AP2M1: variants seen among roughly 807,000 people sequenced by gnomAD.
The protein encoded by AP2M1 is AP-2 complex subunit mu.
AP2M1 carries 5 observed loss-of-function variants against 54.5 expected under a neutral mutation model. The ratio of observed to expected loss-of-function variants is 0.09; its 90% confidence interval spans 0.05 to 0.19. The LOEUF (loss-of-function observed/expected upper bound fraction) is 0.19, where lower values mean the gene tolerates loss of function less well. Ranked by LOEUF, AP2M1 falls within the 10% of genes least tolerant of loss-of-function variation. The probability of loss-of-function intolerance (pLI) is 1.00; values close to 1 mark genes in which losing one functional copy is unlikely to be tolerated. For synonymous variants in AP2M1, 186 were observed against 208.2 expected, an observed-to-expected ratio of 0.89 and a Z score of 0.92; for missense variants, 178 against 580.2, an observed-to-expected ratio of 0.31 and a Z score of 7.12.
Position 184,182,989 on chromosome 3 carries a change from C to A in AP2M1, c.1173+121C>A. ...ACTGAGGCCTAGAAAGAAGAACTGG[C>A]TTTAATTCATAGATCCATTCTTCCC... On this transcript the variant is annotated intron_variant, in intron 11 of 11. Coordinates refer to ENST00000292807, the MANE Select transcript of AP2M1 (RefSeq NM_004068.4). The surrounding 1 kb of genome is among the most constrained non-coding windows in gnomAD (Gnocchi z 5.5). The A allele has an allele frequency of 1.2e-6, 1 of 835,316 alleles. No individual in the cohort carries two copies. The highest frequency in any genetic ancestry group is 2.0e-6 in the Non-Finnish European group (1 of 495,558). The allele number at this position is 835,316 out of a possible 1,614,324, so 51.7% of individuals were successfully genotyped here.
chr3:184,177,402 T>C (rs1017098074), intron 2 of AP2M1: 5 of 704,004 alleles, frequency 7.1e-6, no homozygotes, highest in African/African-American at 5.4e-5. Flanking sequence ...ATGTCTCCAG[T>C]GGGTGGGGTT....
At position 184,183,472 on chromosome 3, in the gene AP2M1, C is replaced by T; in HGVS notation, c.1174-10C>T. On this transcript the variant is annotated splice_polypyrimidine_tract_variant and intron_variant, in intron 11 of 11. Coordinates refer to ENST00000292807, the MANE Select transcript of AP2M1 (RefSeq NM_004068.4). The surrounding 1 kb of genome is among the most constrained non-coding windows in gnomAD (Gnocchi z 5.7). ...GAAGGCCACATTTCTAACTAGCTCT[C>T]CTTGCCCAGGTGCCATTCGCGCCCT... 6.2e-7 allele frequency: 1 copy of T among 1,614,042 alleles called. No individual in the cohort carries two copies. Among genetic ancestry groups the T allele is most frequent in the Non-Finnish European group, 8.5e-7 (1 of 1,180,018 alleles).
chr3:184,177,814 T>C (rs779885671), intron 2 of AP2M1: 28 of 598,716 alleles, frequency 4.7e-5, no homozygotes, highest in Non-Finnish European at 7.7e-5. Context: ...CTCCTCTGGT[T>C]CCTGCTGCCT....
chr3:184,179,154 G>T (rs771827784), intron 3 of AP2M1, 32 bp downstream of exon 3: 4 of 1,605,142 alleles, frequency 2.5e-6, no homozygotes, highest in South Asian at 2.2e-5. Flanking sequence ...GGCAGCGGGC[G>T]TAGGGTGGGA....
At position 184,178,769 on chromosome 3, in the gene AP2M1, G is replaced by A; in HGVS notation, c.75-88G>A. ...GTGTGTCAGACTTCTGCAGAAAGGA[G>A]GGTGGGGCTGTTAGCAGCTGTGGTT... is the stretch of plus-strand genomic sequence containing the variant. On this transcript the variant is annotated intron_variant, in intron 2 of 11. Transcript: ENST00000292807. This position sits in a 1 kb window ranked among gnomAD's most constrained non-coding sequence, Gnocchi z 4.9. 1.3e-6 allele frequency: 2 copies of A among 1,503,490 alleles called. No individual in the cohort carries two copies. The highest frequency in any genetic ancestry group is 2.5e-5 in the South Asian group (2 of 78,906). The allele number at this position is 1,503,490 out of a possible 1,614,324, so 93.1% of individuals were successfully genotyped here. A position where few individuals can be genotyped will look rare whatever the true frequency, so the allele number is the denominator to read the frequency against.
rs1195437495 is a variant in AP2M1 at position 184,178,144 on chromosome 3, C to T, written c.75-713C>T. The T allele has an allele frequency of 5.4e-6, 8 of 1,482,534 alleles. No individual in the cohort carries two copies. The highest frequency in any genetic ancestry group is 7.3e-6 in the Non-Finnish European group (8 of 1,098,244). The allele number at this position is 1,482,534 out of a possible 1,614,324, so 91.8% of individuals were successfully genotyped here. On this transcript the variant is annotated intron_variant, in intron 2 of 11. Transcript: ENST00000292807. This position sits in a 1 kb window ranked among gnomAD's most constrained non-coding sequence, Gnocchi z 4.9. ...CTCCCGGTGTGTTGTGTGTCTAACC[C>T]TCTCTCTCGTTGCTATCACTCTCCT...
In AP2M1 at chr3:184,178,863, C is replaced by A. The variant is rs556633717; in HGVS notation, c.81C>A (p.Asn27Lys). Residue 27 changes from asparagine to lysine, a missense_variant, in exon 3 of 12, where the codon AAC becomes AAA. Asn to Lys is a moderately conservative substitution (Grantham distance 94). Around this residue, in one of 5 missense-constraint regions of AP2M1, gnomAD observed 115 missense variants for 331.2 expected, o/e 0.35. Coordinates refer to ENST00000292807, the MANE Select transcript of AP2M1 (RefSeq NM_004068.4). This position sits in a 1 kb window ranked among gnomAD's most constrained non-coding sequence, Gnocchi z 4.9. ...SRVYRDDIGR[N>K]AVDAFRVNVI... ...ATGCACTCTTTTCCCTCAGGAGGAA[C>A]GCAGTGGATGCCTTTCGGGTCAATG... 6.2e-7 allele frequency: 1 copy of A among 1,613,776 alleles called. No individual in the cohort carries two copies. Among genetic ancestry groups the A allele is most frequent in the Non-Finnish European group, 8.5e-7 (1 of 1,179,962 alleles).
At position 184,181,368 on chromosome 3, in the gene AP2M1, T is replaced by C; in HGVS notation, c.707+142T>C. ...TGACGGTAAGCCTGGCTGTTCGCTC[T>C]TGACATTAGTGCTACGAGAGATGAG... On this transcript the variant is annotated intron_variant, in intron 7 of 11. Coordinates refer to ENST00000292807, the MANE Select transcript of AP2M1 (RefSeq NM_004068.4). The surrounding 1 kb of genome is among the most constrained non-coding windows in gnomAD (Gnocchi z 5.7). 1.6e-6 allele frequency: 2 copies of C among 1,276,012 alleles called. No individual in the cohort carries two copies. Among genetic ancestry groups the C allele is most frequent in the African/African-American group, 1.5e-5 (1 of 67,486 alleles). 79.0% of individuals were successfully genotyped at this position (1,276,012 alleles called of 1,614,324 possible).
rs944697138 is a variant in AP2M1 at position 184,174,888 on chromosome 3, G to A, written c.-115G>A. 3.3e-5 allele frequency: 13 copies of A among 398,422 alleles called. No individual in the cohort carries two copies. Among genetic ancestry groups the A allele is most frequent in the East Asian group, 1.1e-4 (3 of 28,094 alleles). The allele number at this position is 398,422 out of a possible 1,614,324, so 24.7% of individuals were successfully genotyped here. A position where few individuals can be genotyped will look rare whatever the true frequency, so the allele number is the denominator to read the frequency against. On this transcript the variant is annotated 5_prime_UTR_variant, in exon 1 of 12. Transcript: ENST00000292807. The stretch of plus-strand genomic sequence containing the variant: ...GAAAGCCGAGGCAGCGGGCAGACGA[G>A]CAGGGGGCGGGCGGACATCTTGGGA...
chr3:184,177,789 G>A (rs1007385393), intron 2 of AP2M1: 1 of 626,530 alleles, frequency 1.6e-6, no homozygotes, highest in South Asian at 2.0e-5. Flanking sequence ...AGCCTCCGAG[G>A]CGCTAAAGAG....
rs112020643 is a variant in AP2M1, at chr3:184,178,390, T to G, written c.75-467T>G. 8.5e-5 allele frequency among the ~76,000 whole-genome samples: 13 copies of G among 152,326 alleles called. No homozygotes were observed. Among genetic ancestry groups the G allele is most frequent in the African/African-American group, 2.9e-4 (12 of 41,566 alleles). ...TTGGTACTTCTCCCTCCTTTGTGAC[T>G]TCTGAAGCCATGCTGGCTTTGTCTA... is the stretch of plus-strand genomic sequence containing the variant. On this transcript the variant is annotated intron_variant, in intron 2 of 11. Coordinates refer to ENST00000292807, the MANE Select transcript of AP2M1 (RefSeq NM_004068.4). The surrounding 1 kb of genome is among the most constrained non-coding windows in gnomAD (Gnocchi z 4.9).
At position 184,178,962 on chromosome 3, in the gene AP2M1, G is replaced by A; in HGVS notation, c.180G>A (p.Arg60=). ...IARTSFFHVK[R]SNIWLAAVTK... is the part of the protein sequence containing the mutation. ...GCACCAGCTTCTTCCACGTTAAGCG[G>A]TCCAACATTTGGCTGGCAGCAGTCA... is the stretch of plus-strand genomic sequence containing the variant. Residue 60 remains arginine (R), a synonymous_variant, in exon 3 of 12, where the codon CGG becomes CGA. Coordinates refer to ENST00000292807, the MANE Select transcript of AP2M1 (RefSeq NM_004068.4). The surrounding 1 kb of genome is among the most constrained non-coding windows in gnomAD (Gnocchi z 4.9). 6.2e-7 allele frequency: 1 copy of A among 1,614,178 alleles called. No homozygotes were observed. Among genetic ancestry groups the A allele is most frequent in the Non-Finnish European group, 8.5e-7 (1 of 1,180,040 alleles).
rs868728007 is a variant in AP2M1 at position 184,178,014 on chromosome 3, C to T, written c.75-843C>T. ...TGTCTGAACCTGGCTGGCTACACCCCCCACCCCAGACCCCCTCCTGCCTTG... is the reference window on the plus strand; with the variant it reads ...TGTCTGAACCTGGCTGGCTACACCCTCCACCCCAGACCCCCTCCTGCCTTG... On this transcript the variant is annotated intron_variant, in intron 2 of 11. Transcript: ENST00000292807. The surrounding 1 kb of genome is among the most constrained non-coding windows in gnomAD (Gnocchi z 4.9). 521 of 673,326 alleles carry T rather than the reference C, an allele frequency of 7.7e-4. No individual in the cohort carries two copies. Among genetic ancestry groups the T allele is most frequent in the Middle Eastern group, 6.6e-3 (21 of 3,170 alleles). The allele number at this position is 673,326 out of a possible 1,614,324, so 41.7% of individuals were successfully genotyped here. A position where few individuals can be genotyped will look rare whatever the true frequency, so the allele number is the denominator to read the frequency against.
At position 184,181,184 on chromosome 3, in the gene AP2M1, T is replaced by C. The variant is rs1309270364; in HGVS notation, c.665T>C (p.Ile222Thr). The change falls in exon 7 of 12, where the codon ATT becomes ACT. Residue 222 changes from isoleucine (I) to threonine (T), a missense_variant. This residue lies in a region of AP2M1 where 115 missense variants were observed against 331.2 expected (regional missense o/e 0.35). Coordinates refer to ENST00000292807, the MANE Select transcript of AP2M1 (RefSeq NM_004068.4). The surrounding 1 kb of genome is among the most constrained non-coding windows in gnomAD (Gnocchi z 5.7). Reference protein sequence around the residue: ...CKFGMNDKIVIEKQGKGTADE... With the variant: ...CKFGMNDKIVTEKQGKGTADE... ...TTTGGGATGAATGACAAGATTGTTA[T>C]TGAAAAGCAGGGCAAAGGCACAGCT... The C allele has an allele frequency of 1.7e-5, 27 of 1,614,026 alleles. No individual in the cohort carries two copies. Among genetic ancestry groups the C allele is most frequent in the South Asian group, 2.2e-5 (2 of 91,060 alleles).
rs1376017234 is a variant in AP2M1 at position 184,180,381 on chromosome 3, C to T, written c.423+130C>T. ...GGAAGTGCTGGCCTGAGCCTCCTGC[C>T]ATGATTGCAGGCCGATTTTGCTCTG... On this transcript the variant is annotated intron_variant, in intron 4 of 11. Coordinates refer to ENST00000292807, the MANE Select transcript of AP2M1 (RefSeq NM_004068.4). The surrounding 1 kb of genome is among the most constrained non-coding windows in gnomAD (Gnocchi z 4.9). The T allele has an allele frequency of 5.6e-6, 7 of 1,246,576 alleles. No individual in the cohort carries two copies. In the Admixed American group the frequency reaches 6.7e-5, roughly 12 times the overall value. The allele number at this position is 1,246,576 out of a possible 1,614,324, so 77.2% of individuals were successfully genotyped here. A position where few individuals can be genotyped will look rare whatever the true frequency, so the allele number is the denominator to read the frequency against.
Position 184,183,122 on chromosome 3 carries a change from C to CA in AP2M1, c.1173+255dup, listed in dbSNP as rs1276244718. On this transcript the variant is annotated intron_variant, in intron 11 of 11. Transcript: ENST00000292807. The surrounding 1 kb of genome is among the most constrained non-coding windows in gnomAD (Gnocchi z 5.7). Reference sequence around the variant, plus strand: ...CAAAAAACTTAGATTGTTTAAATGCCAGGTAAGACACAAAGTTTACTTACA... The same window carrying CA: ...CAAAAAACTTAGATTGTTTAAATGCCAAGGTAAGACACAAAGTTTACTTACA... 3.5e-6 allele frequency: 2 copies of CA among 567,112 alleles called. No homozygotes were observed. Among genetic ancestry groups the CA allele is most frequent in the African/African-American group, 3.7e-5 (2 of 53,440 alleles). The allele number at this position is 567,112 out of a possible 1,614,324, so 35.1% of individuals were successfully genotyped here. A position where few individuals can be genotyped will look rare whatever the true frequency, so the allele number is the denominator to read the frequency against.
At position 184,181,045 on chromosome 3, in the gene AP2M1, C is replaced by T; in HGVS notation, c.566-40C>T. 1 of 1,614,046 alleles carries T rather than the reference C, an allele frequency of 6.2e-7. No individual in the cohort carries two copies. Among genetic ancestry groups the T allele is most frequent in the South Asian group, 1.1e-5 (1 of 91,042 alleles). On this transcript the variant is annotated intron_variant, in intron 6 of 11. Transcript: ENST00000292807. This position sits in a 1 kb window ranked among gnomAD's most constrained non-coding sequence, Gnocchi z 5.7. ...CAGGGCAGGATCCTGGGCCTGCCTGCCTGACTCCGCTGCTCCCCATTTATC... is the reference window on the plus strand; with the variant it reads ...CAGGGCAGGATCCTGGGCCTGCCTGTCTGACTCCGCTGCTCCCCATTTATC...
intron 3 of AP2M1, 21 bp downstream of exon 3, chr3:184,179,143 C>G: frequency 6.2e-7 from 1 of 1,608,338 alleles, no homozygotes; most frequent in Non-Finnish European, 8.5e-7. Flanking sequence ...CGGGCTGGCA[C>G]GGCAGCGGGC....
rs370947653 is a variant in AP2M1, at chr3:184,179,134, G to A, written c.340+12G>A. On this transcript the variant is annotated intron_variant, in intron 3 of 11. Transcript: ENST00000292807. The stretch of plus-strand genomic sequence containing the variant: ...TGAGCTGCTGGATGGTGAGGCTGGC[G>A]GGCTGGCACGGCAGCGGGCGTAGGG... The A allele has an allele frequency of 3.3e-5, 53 of 1,609,568 alleles. No individual in the cohort carries two copies. In the Admixed American group the frequency reaches 4.8e-4, roughly 15 times the overall value.
Sources: gnomAD v4.1 joint callset for allele counts (sites outside exome capture counted in the v4.1 genomes callset) on GRCh38, gnomAD v4.1.1 for gene constraint, gnomAD v4.1.1 regional missense constraint, Gnocchi (gnomAD v3.1) non-coding constraint, MANE v1.5 for transcripts, NCBI Gene and HGNC (gene_info 2026-07-23, HGNC 2026-07-21) for gene names.